The following DPYD variants were observed in gnomAD, a reference collection of about 807,000 sequenced individuals.
The protein encoded by DPYD is dihydropyrimidine dehydrogenase, also known as dihydropyrimidine dehydrogenase [NADP(+)].
Under a neutral mutation model 116.2 loss-of-function variants are expected in DPYD, and 109 were observed. The ratio of observed to expected loss-of-function variants is 0.94; its 90% CI spans 0.80 to 1.10. DPYD has a LOEUF of 1.10. Ranked by LOEUF, DPYD falls within the 50% of genes least tolerant of loss-of-function variation. The probability of loss-of-function intolerance (pLI) is 0.00; values close to 1 mark genes in which losing one functional copy is unlikely to be tolerated. For missense variants in DPYD, 1,302 were observed against 1,254.5 expected, an observed-to-expected ratio of 1.04 and a Z score of -0.57; for synonymous variants, 440 against 432.0, an observed-to-expected ratio of 1.02 and a Z score of -0.23.
intron 12 of DPYD, chr1:97,546,588 T>A: frequency 2.5e-6 from 4 of 1,607,730 alleles, no homozygotes; most frequent in Non-Finnish European, 3.4e-6. Flanking sequence ...AAATAACACA[T>A]CCTGTGTATA....
chr1:97,807,861 T>C (rs889914166), intron 3 of DPYD, among the ~76,000 whole-genome samples: 3 of 152,036 alleles, frequency 2.0e-5, no homozygotes, highest in Non-Finnish European at 4.4e-5. Flanking sequence ...TTTTAGCATG[T>C]GTATGTCCAG....
At chr1:97,166,385 GA>G (rs540597159) in intron 20 of DPYD, among the ~76,000 whole-genome samples, 16 of 152,012 alleles carry the variant, frequency 1.1e-4, no homozygotes, top group Admixed American at 9.2e-4. Flanking sequence ...GGAACACAAA[GA>G]AGGGAACAGA....
chr1:97,733,691 T>C (rs543510900), intron 4 of DPYD, among the ~76,000 whole-genome samples: 7 of 152,178 alleles, frequency 4.6e-5, no homozygotes, highest in Non-Finnish European at 8.8e-5. Context: ...CTTTACATTG[T>C]AATTACTTTA....
intron 8 of DPYD, among the ~76,000 whole-genome samples, chr1:97,602,701 A>G (rs1240751937): frequency 6.6e-6 from 1 of 151,940 alleles, no homozygotes; most frequent in Non-Finnish European, 1.5e-5. Context: ...CTTTTATAAC[A>G]GATCATGTCT....
intron 2 of DPYD, among the ~76,000 whole-genome samples, chr1:97,849,394 C>G (rs971078221): frequency 6.6e-6 from 1 of 152,112 alleles, no homozygotes; most frequent in Non-Finnish European, 1.5e-5. Flanking sequence ...GTAGTTAACT[C>G]TTACTGAGTT....
intron 10 of DPYD, chr1:97,585,780 G>C (rs547872360): frequency 3.9e-5 from 6 of 152,226 alleles, no homozygotes; most frequent in African/African-American, 1.4e-4. Context: ...ATGAAGAGGG[G>C]CTTCTAATGT....
chr1:97,445,200 T>C (rs1018100954), intron 14 of DPYD, among the ~76,000 whole-genome samples: 3 of 152,182 alleles, frequency 2.0e-5, no homozygotes, highest in Admixed American at 1.3e-4. Context: ...GGACAAGAGA[T>C]GGATTTTAGC....
chr1:97,848,788 G>C (rs1670433289), intron 2 of DPYD, among the ~76,000 whole-genome samples: 1 of 152,040 alleles, frequency 6.6e-6, no homozygotes, highest in Non-Finnish European at 1.5e-5. Flanking sequence ...AAGAACAAAG[G>C]TTTTCAGAGG....
rs78302912 is a variant in DPYD, at chr1:97,672,830, C to A, written c.850+6265G>T. Among the ~76,000 whole-genome samples, 1,361 of 152,214 alleles carry A rather than the reference C, an allele frequency of 8.9e-3. 28 individuals are homozygous for A. In the East Asian group the frequency reaches 0.1, roughly 11 times the overall value. ...CCACTCTGTAGCAAATTTAATACCA[C>A]AATCTCTCGATGGATTTTTTAAATT... On this transcript the variant is annotated intron_variant, in intron 8 of 22. Coordinates refer to ENST00000370192, the MANE Select transcript of DPYD (RefSeq NM_000110.4).
chr1:97,669,477 T>A (rs1198672483), intron 8 of DPYD, among the ~76,000 whole-genome samples: 1 of 152,152 alleles, frequency 6.6e-6, no homozygotes, highest in African/African-American at 2.4e-5. Context: ...TGGACACCTC[T>A]TAAGCCATTC....
chr1:97,699,439 C>T lies in DPYD; in HGVS notation c.592G>A (p.Ala198Thr), dbSNP rs753166888. 1 of 1,613,698 alleles carries T rather than the reference C, an allele frequency of 6.2e-7. No homozygotes were observed. Residue 198 changes from alanine (A) to threonine (T), a missense_variant, in exon 6 of 23, where the codon GCA becomes ACA. Ala to Thr is a moderately conservative substitution (Grantham distance 58). Coordinates refer to ENST00000370192, the MANE Select transcript of DPYD (RefSeq NM_000110.4). ...AKIALFGAGP[A>T]SISCASFLAR... ...AAAAAGGAAGCACAACTTATACTTG[C>T]AGGCCCAGCACCAAAAAGAGCAATC...
intron 3 of DPYD, among the ~76,000 whole-genome samples, chr1:97,772,204 C>G (rs1477491742): frequency 6.6e-6 from 1 of 152,168 alleles, no homozygotes; most frequent in Non-Finnish European, 1.5e-5. Flanking sequence ...AATTTTGCCA[C>G]TCAGCATCCT....
At chr1:97,192,154 T>C (rs1234135204) in intron 20 of DPYD, among the ~76,000 whole-genome samples, 1 of 152,166 alleles carries the variant, frequency 6.6e-6, no homozygotes, top group Non-Finnish European at 1.5e-5. Context: ...AGTGATATTT[T>C]CTACTAAAAC....
intron 15 of DPYD, among the ~76,000 whole-genome samples, chr1:97,381,864 A>G (rs1160840931): frequency 6.6e-6 from 1 of 152,212 alleles, no homozygotes; most frequent in Non-Finnish European, 1.5e-5. Flanking sequence ...TTCAATTTAT[A>G]TTATGGAAAA....
intron 19 of DPYD, among the ~76,000 whole-genome samples, chr1:97,234,255 T>C (rs185775031): frequency 1.3e-5 from 2 of 152,282 alleles, no homozygotes; most frequent in East Asian, 3.9e-4. Flanking sequence ...AGTATATGAA[T>C]ACTTTTTAAT....
At chr1:97,408,373 A>G (rs998574884) in intron 14 of DPYD, among the ~76,000 whole-genome samples, 13 of 152,168 alleles carry the variant, frequency 8.5e-5, no homozygotes, top group African/African-American at 3.1e-4. Context: ...CACTTTTACT[A>G]GGAAAATATC....
chr1:97,530,186 A>C (rs977551985), intron 12 of DPYD, among the ~76,000 whole-genome samples: 22 of 141,586 alleles, frequency 1.6e-4, no homozygotes, highest in African/African-American at 5.4e-4. Context: ...ATTCTCTTGG[A>C]TGTATACATC....
At chr1:97,802,005 A>T (rs1667870908) in intron 3 of DPYD, among the ~76,000 whole-genome samples, 1 of 151,962 alleles carries the variant, frequency 6.6e-6, no homozygotes. Flanking sequence ...AATTAAAATT[A>T]AAATTCATCA....
At chr1:97,340,842 T>C (rs1669553989) in intron 16 of DPYD, among the ~76,000 whole-genome samples, 1 of 152,172 alleles carries the variant, frequency 6.6e-6, no homozygotes, top group Non-Finnish European at 1.5e-5. Flanking sequence ...GCAACATACA[T>C]AGCACATGTA....
Sources: allele counts gnomAD v4.1 joint callset (sites outside exome capture counted in the v4.1 genomes callset), GRCh38; gene constraint gnomAD v4.1.1; transcripts MANE v1.5; gene names NCBI Gene and HGNC (gene_info 2026-07-23, HGNC 2026-07-21).